The following GALNT15 variants were observed in gnomAD, a reference collection of about 807,000 sequenced individuals.
The protein encoded by GALNT15 is polypeptide N-acetylgalactosaminyltransferase 15, also known as UDP-GalNAc transferase T15.
GALNT15 carries 67 observed loss-of-function variants against 66.8 expected under a neutral mutation model. The ratio of observed to expected loss-of-function variants is 1.00; its 90% CI spans 0.82 to 1.23. The LOEUF (loss-of-function observed/expected upper bound fraction) is 1.23. GALNT15 is among the 50% of genes most tolerant of loss of function. The pLI, the probability that GALNT15 is intolerant of heterozygous loss-of-function variation, is 0.00. For synonymous variants in GALNT15, 313 were observed against 311.5 expected, an observed-to-expected ratio of 1.00 and a Z score of -0.05; for missense variants, 827 against 804.3, an observed-to-expected ratio of 1.03 and a Z score of -0.34.
chr3:16,179,401 G>A lies in GALNT15; in HGVS notation c.539+3711G>A, dbSNP rs548220832. 2.2e-4 allele frequency among the ~76,000 whole-genome samples: 34 copies of A among 152,280 alleles called. No homozygotes were observed. The South Asian group carries it at 2.3e-3, about 10-fold the overall frequency. On this transcript the variant is annotated intron_variant, in intron 1 of 9. Coordinates refer to ENST00000339732, the MANE Select transcript of GALNT15 (RefSeq NM_054110.5). ...AGACCAGAGATTGGGCAAGTCACATGGGCTGGAAGTGTTTTCATCTTAAAA... is the reference window on the plus strand; with the variant it reads ...AGACCAGAGATTGGGCAAGTCACATAGGCTGGAAGTGTTTTCATCTTAAAA...
downstream of GALNT15, among the ~76,000 whole-genome samples, chr3:16,233,189 G>A (rs2064102184): frequency 7.1e-6 from 1 of 141,536 alleles, no homozygotes; most frequent in South Asian, 2.2e-4. Flanking sequence ...TCCACCTCCT[G>A]GGTTCAAGCG....
chr3:16,237,115 A>G, the GALNT15 span, among the ~76,000 whole-genome samples: 2 of 152,262 alleles, frequency 1.3e-5, no homozygotes, highest in African/African-American at 4.8e-5. This position sits in a 1 kb window ranked among gnomAD's most constrained non-coding sequence, Gnocchi z 4.2. Context: ...GTGTAGGACA[A>G]AAGCAATAAC....
chr3:16,194,463 A>G (rs2063611273), intron 1 of GALNT15, among the ~76,000 whole-genome samples: 1 of 152,194 alleles, frequency 6.6e-6, no homozygotes, highest in African/African-American at 2.4e-5. Context: ...TAGATTGCAA[A>G]AATTTTCTCC....
the GALNT15 span, among the ~76,000 whole-genome samples, chr3:16,247,601 C>G: frequency 1.4e-4 from 21 of 152,306 alleles, no homozygotes; most frequent in East Asian, 4.1e-3. Flanking sequence ...CGCCTGTGAC[C>G]CACACTCACT....
At chr3:16,218,554 A>T (rs59786745) in intron 6 of GALNT15, among the ~76,000 whole-genome samples, 9,213 of 152,218 alleles carry the variant, frequency 0.061, 312 homozygotes, top group African/African-American at 0.076. Flanking sequence ...AATCTCAAAA[A>T]AAGGAGATAG....
At position 16,228,383 on chromosome 3, in the gene GALNT15, G is replaced by T; in HGVS notation, c.*883G>T. The T allele has an allele frequency of 2.1e-6, 2 of 972,850 alleles. No homozygotes were observed. The highest frequency in any genetic ancestry group is 2.4e-6 in the Non-Finnish European group (2 of 818,244). 60.3% of individuals were successfully genotyped at this position (972,850 alleles called of 1,614,324 possible). A position where few individuals can be genotyped will look rare whatever the true frequency, so the allele number is the denominator to read the frequency against. ...CTGCCGGGCGCGGTGGCTCATGCCT[G>T]TAATTCCAGCACTTTGGGAGGCAGA... On this transcript the variant is annotated 3_prime_UTR_variant, in exon 10 of 10. Coordinates refer to ENST00000339732, the MANE Select transcript of GALNT15 (RefSeq NM_054110.5).
downstream of GALNT15, among the ~76,000 whole-genome samples, chr3:16,232,516 T>A (rs1828902): frequency 0.49 from 26,214 of 53,226 alleles, 6,769 homozygotes; most frequent in Non-Finnish European, 0.56. Flanking sequence ...ATATATTTAT[T>A]TAAAAGAGAC....
rs766158709 is a variant in GALNT15 at position 16,175,659 on chromosome 3, C to T, written c.508C>T (p.Gln170Ter). Residue 170 changes from glutamine to a stop codon, truncating the protein, a stop_gained, in exon 1 of 10, where the codon CAG (glutamine) becomes TAG (stop). Transcript: ENST00000339732. LOFTEE classifies it high-confidence loss of function. The surrounding 1 kb of genome is among the most constrained non-coding windows in gnomAD (Gnocchi z 5.6). The part of the protein sequence containing the change: ...QEALSARIPL[Q>*]RALPEVRHPL... Reference sequence around the variant, plus strand: ...GGCACTCAGTGCCCGCATCCCCCTCCAGAGGGCTCTGCCCGAGGTGCGGCA... The same window carrying T: ...GGCACTCAGTGCCCGCATCCCCCTCTAGAGGGCTCTGCCCGAGGTGCGGCA... The T allele has an allele frequency of 1.2e-6, 2 of 1,606,404 alleles. No individual in the cohort carries two copies. Among genetic ancestry groups the T allele is most frequent in the Non-Finnish European group, 1.7e-6 (2 of 1,176,088 alleles).
intron 1 of GALNT15, among the ~76,000 whole-genome samples, chr3:16,179,151 C>T (rs1368093526): frequency 6.6e-6 from 1 of 152,190 alleles, no homozygotes; most frequent in East Asian, 1.9e-4. Flanking sequence ...GGCAAAATTA[C>T]AGTGAACATT....
At position 16,228,716 on chromosome 3, in the gene GALNT15, C is replaced by A. The variant is rs2064050222; in HGVS notation, c.*1216C>A. On this transcript the variant is annotated 3_prime_UTR_variant, in exon 10 of 10. Transcript: ENST00000339732. Reference sequence around the variant, plus strand: ...GCACTGACTGGAGCAGAAACAGCAACCTTTCTAAAAAAGCAAACCTTTTTC... The same window carrying A: ...GCACTGACTGGAGCAGAAACAGCAAACTTTCTAAAAAAGCAAACCTTTTTC... 2.0e-6 allele frequency: 2 copies of A among 985,170 alleles called. No homozygotes were observed. Among genetic ancestry groups the A allele is most frequent in the Non-Finnish European group, 2.4e-6 (2 of 829,916 alleles). 61.0% of individuals were successfully genotyped at this position (985,170 alleles called of 1,614,324 possible).
intron 2 of GALNT15, among the ~76,000 whole-genome samples, chr3:16,197,653 T>C (rs747288176): frequency 1.9e-4 from 29 of 152,178 alleles, no homozygotes; most frequent in South Asian, 4.1e-4. Context: ...TGTAGTGTGA[T>C]AGAATCAGCT....
chr3:16,208,617 A>G lies in GALNT15; in HGVS notation c.1026A>G (p.Glu342=). 2.5e-6 allele frequency: 4 copies of G among 1,614,028 alleles called. No individual in the cohort carries two copies. Among genetic ancestry groups the G allele is most frequent in the Non-Finnish European group, 3.4e-6 (4 of 1,179,990 alleles). Residue 342 remains glutamate (E), a synonymous_variant, in exon 4 of 10, where the codon GAA becomes GAG. Coordinates refer to ENST00000339732, the MANE Select transcript of GALNT15 (RefSeq NM_054110.5). ...ACTGGAAGCTGGATTTCCACTGGGA[A>G]CCTTTGCCAGAGCATGTGAGGAAGG... ...VLDWKLDFHW[E]PLPEHVRKAL...
intron 6 of GALNT15, among the ~76,000 whole-genome samples, chr3:16,217,418 G>A (rs2063891102): frequency 6.6e-6 from 1 of 152,172 alleles, no homozygotes; most frequent in African/African-American, 2.4e-5. Flanking sequence ...CTTTGGAAAT[G>A]TCCTATCACT....
chr3:16,231,944 G>A (rs2064086141), downstream of GALNT15: 3 of 1,524,002 alleles, frequency 2.0e-6, no homozygotes, highest in African/African-American at 2.8e-5. This position sits in a 1 kb window ranked among gnomAD's most constrained non-coding sequence, Gnocchi z 4.1. Flanking sequence ...CACAGATCAA[G>A]GGTGGCATTG....
chr3:16,217,001 G>A (rs2063886440), intron 6 of GALNT15, among the ~76,000 whole-genome samples: 1 of 152,180 alleles, frequency 6.6e-6, no homozygotes, highest in Admixed American at 6.5e-5. Flanking sequence ...ACACCTGATG[G>A]TGGCCTGACA....
Position 16,200,095 on chromosome 3 carries a change from A to G in GALNT15, c.707-524A>G, listed in dbSNP as rs1057248606. Among the ~76,000 whole-genome samples the G allele has an allele frequency of 1.3e-5, 2 of 151,406 alleles. No individual in the cohort carries two copies. Among genetic ancestry groups the G allele is most frequent in the Admixed American group, 1.3e-4 (2 of 15,120 alleles). On this transcript the variant is annotated intron_variant, in intron 2 of 9. Coordinates refer to ENST00000339732, the MANE Select transcript of GALNT15 (RefSeq NM_054110.5). This position sits in a 1 kb window ranked among gnomAD's most constrained non-coding sequence, Gnocchi z 4.4. ...CATGGTGGAAGGGGAAGCATGTCTT[A>G]CATGGCAGCAAGTGAGAGAAAGAGA...
chr3:16,232,508 A>ATATATATATT (rs1553689265), downstream of GALNT15, among the ~76,000 whole-genome samples: 2 of 78,602 alleles, frequency 2.5e-5, no homozygotes, highest in African/African-American at 6.1e-5. Context: ...ATATATATAT[A>ATATATATATT]TATTTATTTA....
Position 16,225,197 on chromosome 3 carries a change from C to T in GALNT15, c.1774-2157C>T, listed in dbSNP as rs1159048229. 3.3e-5 allele frequency among the ~76,000 whole-genome samples: 5 copies of T among 152,064 alleles called. No homozygotes were observed. Among genetic ancestry groups the T allele is most frequent in the Non-Finnish European group, 5.9e-5 (4 of 68,016 alleles). On this transcript the variant is annotated intron_variant, in intron 9 of 9. Coordinates refer to ENST00000339732, the MANE Select transcript of GALNT15 (RefSeq NM_054110.5). This position sits in a 1 kb window ranked among gnomAD's most constrained non-coding sequence, Gnocchi z 4.4. Reference sequence around the variant, plus strand: ...TTAAATGACCAGATCCTCAAGAACTCGCTATCAAGAAGACAGCACGAAGCC... The same window carrying T: ...TTAAATGACCAGATCCTCAAGAACTTGCTATCAAGAAGACAGCACGAAGCC...
In GALNT15 at chr3:16,185,744, CAGACAGAT is replaced by C. The variant is rs1202796315; in HGVS notation, c.540-10012_540-10005del. 3.3e-3 allele frequency among the ~76,000 whole-genome samples: 412 copies of C among 124,916 alleles called. 3 individuals are homozygous for C. Among genetic ancestry groups the C allele is most frequent in the African/African-American group, 0.013 (377 of 29,394 alleles). 81.9% of individuals were successfully genotyped at this position (124,916 alleles called of 152,430 possible). ...CACTGTAGTCCAAGATGGTGATAGACAGACAGATAGATAGATAGATAGATAGATAGATA... is the reference window on the plus strand; with the variant it reads ...CACTGTAGTCCAAGATGGTGATAGACAGATAGATAGATAGATAGATAGATA... On this transcript the variant is annotated intron_variant, in intron 1 of 9. Coordinates refer to ENST00000339732, the MANE Select transcript of GALNT15 (RefSeq NM_054110.5).
Sources: allele counts gnomAD v4.1 joint callset (sites outside exome capture counted in the v4.1 genomes callset), GRCh38; gene constraint gnomAD v4.1.1; non-coding constraint Gnocchi (gnomAD v3.1); transcripts MANE v1.5; gene names NCBI Gene and HGNC (gene_info 2026-07-23, HGNC 2026-07-21).